Variants in TIGAR observed in about 807,000 individuals in gnomAD.
TIGAR encodes the protein fructose-2,6-bisphosphatase TIGAR.
TIGAR carries 7 observed loss-of-function variants against 17.9 expected under a neutral mutation model. That is an observed-to-expected ratio of 0.39 (90% CI 0.22 to 0.73). TIGAR has a LOEUF of 0.73. Among genes scored for constraint, TIGAR ranks in the 30% least tolerant of loss-of-function variants. The pLI is 0.42. For synonymous variants in TIGAR, 94 were observed against 108.6 expected (o/e 0.87, Z 0.84); for missense variants, 258 against 327.4 (o/e 0.79, Z 1.64).
intron 2 of TIGAR, among the ~76,000 whole-genome samples, chr12:4,334,745 C>T (rs960226499): frequency 2.6e-5 from 4 of 152,144 alleles, no homozygotes; most frequent in East Asian, 3.8e-4. Context: ...TGGCTTCAGT[C>T]GGTACACACT....
chr12:4,344,143 C>T (rs1244107759), intron 3 of TIGAR, among the ~76,000 whole-genome samples: 31 of 152,146 alleles, frequency 2.0e-4, no homozygotes, highest in Admixed American at 2.0e-3. Flanking sequence ...TGGATAAATT[C>T]CTCGACACCT....
intron 2 of TIGAR, among the ~76,000 whole-genome samples, chr12:4,332,238 C>CTTTTTTTTT (rs777711454): frequency 6.3e-4 from 60 of 95,304 alleles, no homozygotes; most frequent in Non-Finnish European, 7.2e-4. Flanking sequence ...TCATGTATTT[C>CTTTTTTTTT]TTTTTTTTTT....
intron 1 of TIGAR, among the ~76,000 whole-genome samples, chr12:4,328,080 GACAGGTTCCC>G (rs1370442036): frequency 1.3e-5 from 2 of 152,214 alleles, no homozygotes; most frequent in African/African-American, 4.8e-5. Context: ...GATTAAAAAT[GACAGGTTCCC>G]CATGTTTGCC....
In TIGAR at chr12:4,356,833, C is replaced by T. The variant is rs1051547160; in HGVS notation, c.*4142C>T. ...AAGTTTCCAGTTCCAGGCTTCACCC[C>T]AGGCTCGCAGCTTCAAGCAGAGCCT... On this transcript the variant is annotated 3_prime_UTR_variant, in exon 6 of 6. Transcript: ENST00000179259. Among the ~76,000 whole-genome samples, 1 of 152,204 alleles carries T rather than the reference C, an allele frequency of 6.6e-6. No homozygotes were observed. The highest frequency in any genetic ancestry group is 2.4e-5 in the African/African-American group (1 of 41,446).
chr12:4,326,421 A>T (rs1864546712), intron 1 of TIGAR, among the ~76,000 whole-genome samples: 1 of 152,254 alleles, frequency 6.6e-6, no homozygotes, highest in Non-Finnish European at 1.5e-5. Flanking sequence ...AATAAAGCTG[A>T]TAAAAGCTGT....
At chr12:4,350,998 A>G (rs1326652252) in intron 4 of TIGAR, among the ~76,000 whole-genome samples, 2 of 152,168 alleles carry the variant, frequency 1.3e-5, no homozygotes, top group Non-Finnish European at 2.9e-5. Flanking sequence ...TTTGTTCAAT[A>G]AATTCCCACC....
At chr12:4,336,458 A>G (rs1268127766) in intron 2 of TIGAR, among the ~76,000 whole-genome samples, 41 of 121,670 alleles carry the variant, frequency 3.4e-4, no homozygotes, top group African/African-American at 8.6e-4. Flanking sequence ...ACACACACAC[A>G]CACACACACA....
At chr12:4,340,708 AT>A (rs1320508007) in intron 3 of TIGAR, among the ~76,000 whole-genome samples, 4 of 152,218 alleles carry the variant, frequency 2.6e-5, no homozygotes, top group African/African-American at 7.2e-5. Flanking sequence ...ACATAGACCA[AT>A]AGACCAGAAT....
Position 4,355,300 on chromosome 12 carries a change from A to G in TIGAR, c.*2609A>G, listed in dbSNP as rs1246861232. On this transcript the variant is annotated 3_prime_UTR_variant, in exon 6 of 6. Transcript: ENST00000179259. Reference sequence around the variant, plus strand: ...CCATTGTAAAGGCTGTTCTTTCCCAATTGGTTTGTGGTGTGTGCTCTCAGG... The same window carrying G: ...CCATTGTAAAGGCTGTTCTTTCCCAGTTGGTTTGTGGTGTGTGCTCTCAGG... Among the ~76,000 whole-genome samples the G allele has an allele frequency of 2.0e-5, 3 of 151,966 alleles. No homozygotes were observed. Among genetic ancestry groups the G allele is most frequent in the Non-Finnish European group, 2.9e-5 (2 of 67,980 alleles).
intron 1 of TIGAR, among the ~76,000 whole-genome samples, chr12:4,322,087 C>G (rs1864487195): frequency 1.3e-5 from 2 of 152,132 alleles, no homozygotes; most frequent in Admixed American, 1.3e-4. Flanking sequence ...CCTCCCGCCT[C>G]CGGGGTTCAA....
intron 1 of TIGAR, chr12:4,324,924 A>T (rs949116032): frequency 4.0e-5 from 13 of 326,200 alleles, no homozygotes; most frequent in African/African-American, 2.7e-4. Flanking sequence ...ATGAATTAGT[A>T]AAGTTTTTTT....
At chr12:4,344,936 A>G (rs1433246088) in intron 3 of TIGAR, among the ~76,000 whole-genome samples, 1 of 152,220 alleles carries the variant, frequency 6.6e-6, no homozygotes. Flanking sequence ...TACAAAATCA[A>G]TGTGCAAAAA....
chr12:4,356,188 T>G lies in TIGAR; in HGVS notation c.*3497T>G, dbSNP rs1293309411. On this transcript the variant is annotated 3_prime_UTR_variant, in exon 6 of 6. Transcript: ENST00000179259. ...TGGCAGCACTGGCTGTTGGGCCATTTGAAGAAGCAAGGCCAGGGATGTTGG... is the reference window on the plus strand; with the variant it reads ...TGGCAGCACTGGCTGTTGGGCCATTGGAAGAAGCAAGGCCAGGGATGTTGG... Among the ~76,000 whole-genome samples, 1 of 152,146 alleles carries G rather than the reference T, an allele frequency of 6.6e-6. No homozygotes were observed. Among genetic ancestry groups the G allele is most frequent in the African/African-American group, 2.4e-5 (1 of 41,430 alleles).
chr12:4,325,340 T>A (rs926799766), intron 1 of TIGAR, among the ~76,000 whole-genome samples: 1 of 152,226 alleles, frequency 6.6e-6, no homozygotes, highest in Admixed American at 6.5e-5. Context: ...TGTATATTAA[T>A]AAAGCAAGCA....
Position 4,321,394 on chromosome 12 carries a change from C to T in TIGAR, c.32+91C>T, listed in dbSNP as rs1864475826. The T allele has an allele frequency of 3.9e-6, 6 of 1,557,698 alleles. No individual in the cohort carries two copies. The South Asian group carries it at 6.7e-5, about 17-fold the overall frequency. ...GGAAAACGGGTCCACCACCCTCTCC[C>T]CTCCCTGCTCGCTCCAGCCCGGGAG... On this transcript the variant is annotated intron_variant, in intron 1 of 5. Coordinates refer to ENST00000179259, the MANE Select transcript of TIGAR (RefSeq NM_020375.3). This position sits in a 1 kb window ranked among gnomAD's most constrained non-coding sequence, Gnocchi z 5.2.
rs1035911117 is a variant in TIGAR at position 4,356,759 on chromosome 12, G to A, written c.*4068G>A. On this transcript the variant is annotated 3_prime_UTR_variant, in exon 6 of 6. Transcript: ENST00000179259. ...GTACTCATCTTTCCCACCTTGTCTT[G>A]CCTGTTTCTGTTAGGTTTAGTCCGA... is the stretch of plus-strand genomic sequence containing the variant. Among the ~76,000 whole-genome samples the A allele has an allele frequency of 4.6e-5, 7 of 152,102 alleles. No homozygotes were observed. Among genetic ancestry groups the A allele is most frequent in the African/African-American group, 1.7e-4 (7 of 41,418 alleles).
At chr12:4,326,895 A>G (rs1220033739) in intron 1 of TIGAR, among the ~76,000 whole-genome samples, 2 of 152,116 alleles carry the variant, frequency 1.3e-5, no homozygotes, top group Non-Finnish European at 2.9e-5. Flanking sequence ...TTGGTTGGCA[A>G]ATTATTAAAT....
chr12:4,324,697 C>A, intron 1 of TIGAR: 3 of 904,994 alleles, frequency 3.3e-6, no homozygotes, highest in South Asian at 2.8e-5. Flanking sequence ...CTGGCACGCA[C>A]TGTACAGCTG....
At chr12:4,345,989 A>G (rs1864775569) in intron 3 of TIGAR, among the ~76,000 whole-genome samples, 1 of 152,272 alleles carries the variant, frequency 6.6e-6, no homozygotes, top group Non-Finnish European at 1.5e-5. Flanking sequence ...TATGTAGCCA[A>G]CAGACAGATG....
Sources: gnomAD v4.1 joint callset for allele counts (sites outside exome capture counted in the v4.1 genomes callset) on GRCh38, gnomAD v4.1.1 for gene constraint, Gnocchi (gnomAD v3.1) non-coding constraint, MANE v1.5 for transcripts, NCBI Gene and HGNC (gene_info 2026-07-23, HGNC 2026-07-21) for gene names.